Variants in PRAMEF5 observed in about 807,000 individuals in gnomAD.
PRAMEF5 encodes PRAME family member 23.
PRAMEF5 carries 5 observed loss-of-function variants against 16.4 expected under a neutral mutation model. That is an observed-to-expected ratio of 0.30 (90% CI 0.16 to 0.64). The LOEUF (loss-of-function observed/expected upper bound fraction) is 0.64. Among genes scored for constraint, PRAMEF5 ranks in the 30% least tolerant of loss-of-function variants. The pLI is 0.80. For synonymous variants in PRAMEF5, 19 were observed against 107.3 expected (o/e 0.18, Z 5.09); for missense variants, 36 against 282.9 (o/e 0.13, Z 6.26).
chr1:13,259,825 T>C, intron 2 of PRAMEF5: 1 of 272,970 alleles, frequency 3.7e-6, no homozygotes, highest in African/African-American at 2.9e-5. Context: ...CCCAGCACAT[T>C]GGGAGGCTGA....
At chr1:13,263,135 T>C (rs1639419607) in exon 4 of PRAMEF5, 1 of 890,692 alleles carries the variant, frequency 1.1e-6, no homozygotes, top group African/African-American at 1.7e-5. Flanking sequence ...TGGGTGGATA[T>C]GTCAAACGCT....
chr1:13,263,399 GT>G (rs1639426885), downstream of PRAMEF5: 2 of 580,082 alleles, frequency 3.4e-6, no homozygotes, highest in African/African-American at 3.6e-5. Context: ...TGGATGCATG[GT>G]TGTAAAGAAA....
At chr1:13,260,441 A>C (rs1306984592) in exon 3 of PRAMEF5, 1 of 1,307,842 alleles carries the variant, frequency 7.6e-7, no homozygotes, top group Non-Finnish European at 1.1e-6. Flanking sequence ...GCCTCCTTCT[A>C]TGGGTCAAGC....
At chr1:13,260,185 T>A (rs1237530805) in intron 2 of PRAMEF5, 37 bp from the exon 3 acceptor site, 1 of 1,560,848 alleles carries the variant, frequency 6.4e-7, no homozygotes, top group South Asian at 1.1e-5. Flanking sequence ...CAGAAATGAG[T>A]TCTGAAATTC....
At chr1:13,263,354 A>G (rs1553172950), downstream of PRAMEF5, 12 of 620,532 alleles carry the variant, frequency 1.9e-5, no homozygotes, top group South Asian at 4.0e-5. Flanking sequence ...GAATGTCTAG[A>G]GTGGAGGCTT....
intron 2 of PRAMEF5, chr1:13,259,876 C>T: frequency 2.8e-6 from 1 of 356,270 alleles, no homozygotes; most frequent in Non-Finnish European, 5.2e-6. Flanking sequence ...ATGGTAAACC[C>T]CAACTCTACT....
rs587618888 is a variant in PRAMEF5 at position 13,260,339 on chromosome 1, G to T, written c.405G>T (p.Val135=). The change falls in exon 3 of 4, where the codon GTG becomes GTT. Residue 135 remains valine, a synonymous_variant. Transcript: ENST00000622421. The stretch of plus-strand genomic sequence containing the variant: ...ATGCCAAGAGGAACAAAAAACCAGT[G>T]CAGGACTGTCCAAGGATGAGAGGAC... 16 of 1,599,188 alleles carry T rather than the reference G, an allele frequency of 1.0e-5. No individual in the cohort carries two copies. In the Admixed American group the frequency reaches 2.0e-4, roughly 20 times the overall value.
At chr1:13,263,403 T>A, downstream of PRAMEF5, 1 of 569,074 alleles carries the variant, frequency 1.8e-6, no homozygotes, top group Non-Finnish European at 3.0e-6. Context: ...TGCATGGTTG[T>A]AAAGAAACAA....
rs1422401957 is a variant in PRAMEF5 at position 13,260,366 on chromosome 1, G to A, written c.432G>A (p.Gln144=). The change falls in exon 3 of 4, where the codon CAG becomes CAA. Residue 144 remains glutamine (Q), a synonymous_variant. Transcript: ENST00000622421. ...AGGACTGTCCAAGGATGAGAGGACA[G>A]CAGCCCTTGACTGTGTTCGTAGAAC... 25 of 1,545,922 alleles carry A rather than the reference G, an allele frequency of 1.6e-5. 1 individual carries two copies. The East Asian group carries it at 4.1e-4, about 25-fold the overall frequency.
chr1:13,259,882 C>T, intron 2 of PRAMEF5: 1 of 374,516 alleles, frequency 2.7e-6, no homozygotes. Context: ...AACCCCAACT[C>T]TACTAAAAAT....
rs1639403132 is a variant in PRAMEF5, at chr1:13,262,367, T to G, written c.870-183T>G. On this transcript the variant is annotated intron_variant, in intron 3 of 3. Coordinates refer to ENST00000622421, the Ensembl canonical transcript of PRAMEF5. ...GTGAGTTACTGGGCCGGGCCTAAAGTGGAATTGACCTCGGTGGCAAAGCTC... is the reference window on the plus strand; with the variant it reads ...GTGAGTTACTGGGCCGGGCCTAAAGGGGAATTGACCTCGGTGGCAAAGCTC... 3 of 322,204 alleles carry G rather than the reference T, an allele frequency of 9.3e-6. 1 individual carries two copies. The highest frequency in any genetic ancestry group is 1.1e-4 in the Admixed American group (2 of 18,842). 20.0% of individuals were successfully genotyped at this position (322,204 alleles called of 1,614,324 possible).
exon 3 of PRAMEF5, chr1:13,260,231 A>G (rs1301143994): frequency 1.3e-6 from 2 of 1,584,276 alleles, no homozygotes; most frequent in Non-Finnish European, 1.7e-6. Flanking sequence ...GGAGGTGGAA[A>G]CTTCAAGTGC....
chr1:13,262,147 C>T (rs1216239055), intron 3 of PRAMEF5: 1 of 135,104 alleles, frequency 7.4e-6, no homozygotes, highest in Non-Finnish European at 1.6e-5. Flanking sequence ...CTGCAACCTA[C>T]ACCTCCTGGG....
intron 2 of PRAMEF5, 30 bp from the exon 3 acceptor site, chr1:13,260,192 A>G: frequency 6.4e-7 from 1 of 1,564,314 alleles, no homozygotes; most frequent in Non-Finnish European, 8.7e-7. Context: ...GAGTTCTGAA[A>G]TTCTCATTCT....
chr1:13,260,131 G>A (rs1457767645), intron 2 of PRAMEF5, 91 bp from the exon 3 acceptor site: 8 of 1,549,616 alleles, frequency 5.2e-6, no homozygotes, highest in South Asian at 1.1e-5. Flanking sequence ...GGGACAAGAA[G>A]CAGGGAGGGG....
intron 2 of PRAMEF5, 39 bp from the exon 3 acceptor site, chr1:13,260,183 A>T: frequency 6.4e-7 from 1 of 1,560,172 alleles, no homozygotes; most frequent in Non-Finnish European, 8.8e-7. Flanking sequence ...TTCAGAAATG[A>T]GTTCTGAAAT....
At chr1:13,263,295 C>A in exon 4 of PRAMEF5, 2 of 746,196 alleles carry the variant, frequency 2.7e-6, no homozygotes, top group South Asian at 3.6e-5. Context: ...GCCATGGATT[C>A]GATGGGACTT....
chr1:13,260,348 T>G (rs1639380320), exon 3 of PRAMEF5: 1 of 1,594,252 alleles, frequency 6.3e-7, no homozygotes, highest in African/African-American at 1.4e-5. Flanking sequence ...TGCAGGACTG[T>G]CCAAGGATGA....
At chr1:13,262,095 T>C in intron 3 of PRAMEF5, 1 of 159,220 alleles carries the variant, frequency 6.3e-6, no homozygotes. Flanking sequence ...GGAGTCTCTC[T>C]CTGTCACCCA....
Sources: gnomAD v4.1 joint callset for allele counts on GRCh38, gnomAD v4.1.1 for gene constraint, MANE v1.5 for transcripts, NCBI Gene and HGNC (gene_info 2026-07-23, HGNC 2026-07-21) for gene names.